Variants in FLT1 observed in about 807,000 individuals in gnomAD.
FLT1 encodes the protein fms related receptor tyrosine kinase 1.
A neutral mutation model predicts 156.3 loss-of-function variants in FLT1; 49 were observed. That is an observed-to-expected ratio of 0.31 (90% CI 0.25 to 0.40). The LOEUF is 0.40. Ranked by LOEUF, FLT1 falls within the 10% of genes least tolerant of loss-of-function variation. The pLI is 1.00. For missense variants in FLT1, 1,322 were observed against 1,637.2 expected (o/e 0.81, Z 3.32); for synonymous variants, 594 against 583.8 (o/e 1.02, Z -0.25).
chr13:28,489,744 G>A (rs1224045074), intron 1 of FLT1, among the ~76,000 whole-genome samples: 1 of 152,180 alleles, frequency 6.6e-6, no homozygotes, highest in Non-Finnish European at 1.5e-5. Context: ...CAGTGTGTGT[G>A]TGGAGAGAAG....
At chr13:28,464,371 C>T (rs1763820397) in intron 3 of FLT1, among the ~76,000 whole-genome samples, 1 of 152,168 alleles carries the variant, frequency 6.6e-6, no homozygotes. Context: ...AAATACATGA[C>T]CTAACGGCCA....
At chr13:28,330,162 A>C (rs1462121341) in intron 18 of FLT1, among the ~76,000 whole-genome samples, 1 of 152,260 alleles carries the variant, frequency 6.6e-6, no homozygotes, top group African/African-American at 2.4e-5. Context: ...GGGGCCTGCC[A>C]GGGCAGAATG....
chr13:28,387,067 G>T, intron 13 of FLT1: 1 of 1,035,646 alleles, frequency 9.7e-7, no homozygotes, highest in Non-Finnish European at 1.2e-6. Context: ...ATTGGAAAAC[G>T]GTGTTTAAAG....
intron 8 of FLT1, among the ~76,000 whole-genome samples, chr13:28,429,118 T>C (rs1877523137): frequency 6.6e-6 from 1 of 152,190 alleles, no homozygotes; most frequent in Non-Finnish European, 1.5e-5. Context: ...AAAAATTTAC[T>C]ACTAAACGTT....
intron 10 of FLT1, among the ~76,000 whole-genome samples, chr13:28,423,842 A>G (rs1262583162): frequency 6.6e-6 from 1 of 152,260 alleles, no homozygotes; most frequent in Non-Finnish European, 1.5e-5. Context: ...CTGTTGGCTG[A>G]GGATGAGAAA....
chr13:28,447,774 T>A (rs996199102), intron 3 of FLT1, among the ~76,000 whole-genome samples: 2 of 151,150 alleles, frequency 1.3e-5, no homozygotes, highest in Non-Finnish European at 2.9e-5. Flanking sequence ...AATCTACATA[T>A]ATAATATATA....
chr13:28,427,341 G>A, intron 9 of FLT1, 23 bp from the exon 10 acceptor site: 1 of 1,613,004 alleles, frequency 6.2e-7, no homozygotes, highest in Non-Finnish European at 8.5e-7. Context: ...TGAAGAACGG[G>A]ACAGAAGTCA....
At position 28,303,031 on chromosome 13, in the gene FLT1, A is replaced by C. The variant is rs1449080981; in HGVS notation, c.*136T>G. 9 of 749,416 alleles carry C rather than the reference A, an allele frequency of 1.2e-5. No homozygotes were observed. Among genetic ancestry groups the C allele is most frequent in the Non-Finnish European group, 1.5e-5 (7 of 468,274 alleles). 46.4% of individuals were successfully genotyped at this position (749,416 alleles called of 1,614,324 possible). A position where few individuals can be genotyped will look rare whatever the true frequency, so the allele number is the denominator to read the frequency against. On this transcript the variant is annotated 3_prime_UTR_variant, in exon 30 of 30. Transcript: ENST00000282397. Reference sequence around the variant, plus strand: ...AGTCAAAAAAAAAAAAGCACTATTAAAAAAATCACAAAAAGCAGCTGGCTC... The same window carrying C: ...AGTCAAAAAAAAAAAAGCACTATTACAAAAATCACAAAAAGCAGCTGGCTC...
At chr13:28,406,649 TTATTATTAA>T (rs71086851) in intron 10 of FLT1, among the ~76,000 whole-genome samples, 123,629 of 148,116 alleles carry the variant, frequency 0.83, 51,975 homozygotes, top group East Asian at 0.99. Context: ...ATTATTATTA[TTATTATTAA>T]TATTAGAGAC....
At chr13:28,432,200 G>A (rs1038586969) in intron 6 of FLT1, among the ~76,000 whole-genome samples, 3 of 152,070 alleles carry the variant, frequency 2.0e-5, no homozygotes, top group African/African-American at 7.2e-5. Flanking sequence ...GAGGGGAGGA[G>A]CATGGAAAAA....
chr13:28,342,946 TTC>T (rs61022115), intron 16 of FLT1, among the ~76,000 whole-genome samples: 80,896 of 142,858 alleles, frequency 0.57, 23,991 homozygotes, highest in East Asian at 0.8. Flanking sequence ...CTTTCTTTCT[TTC>T]TCTCTCTCTC....
chr13:28,461,479 C>A (rs984158541), intron 3 of FLT1, among the ~76,000 whole-genome samples: 1 of 152,082 alleles, frequency 6.6e-6, no homozygotes, highest in African/African-American at 2.4e-5. Context: ...GAAGAAATAC[C>A]AACTCCCTTT....
At chr13:28,397,978 G>C (rs1328504923) in intron 11 of FLT1, among the ~76,000 whole-genome samples, 1 of 152,024 alleles carries the variant, frequency 6.6e-6, no homozygotes, top group Non-Finnish European at 1.5e-5. Flanking sequence ...TCCAAATTCT[G>C]ATGTCTAAAA....
At chr13:28,337,525 G>T (rs1006487139) in intron 17 of FLT1, among the ~76,000 whole-genome samples, 7 of 152,180 alleles carry the variant, frequency 4.6e-5, no homozygotes, top group Admixed American at 4.6e-4. Context: ...GTACCTCGGG[G>T]CCTTGCAGCC....
chr13:28,476,761 C>T (rs1880572428), intron 1 of FLT1, among the ~76,000 whole-genome samples: 1 of 152,164 alleles, frequency 6.6e-6, no homozygotes. Flanking sequence ...CAAGAAATTA[C>T]CTAAATGTTT....
At chr13:28,358,523 G>T (rs558391072) in intron 14 of FLT1, among the ~76,000 whole-genome samples, 101 of 152,278 alleles carry the variant, frequency 6.6e-4, no homozygotes, top group African/African-American at 2.2e-3. Context: ...GGAGTCCCAA[G>T]AATTTTCAGA....
At chr13:28,361,077 G>A (rs1432124910) in intron 14 of FLT1, among the ~76,000 whole-genome samples, 5 of 152,000 alleles carry the variant, frequency 3.3e-5, no homozygotes, top group Admixed American at 1.3e-4. Flanking sequence ...CTAGGAATTC[G>A]AGACCAGCCT....
At chr13:28,416,311 G>T (rs572794786) in intron 10 of FLT1, among the ~76,000 whole-genome samples, 170 of 152,290 alleles carry the variant, frequency 1.1e-3, no homozygotes, top group Middle Eastern at 3.4e-3. Flanking sequence ...TCACCACACT[G>T]GTTTTCAGGA....
At chr13:28,490,814 C>T (rs1441075106) in intron 1 of FLT1, among the ~76,000 whole-genome samples, 2 of 152,184 alleles carry the variant, frequency 1.3e-5, no homozygotes, top group Non-Finnish European at 2.9e-5. Context: ...CCTGCAATGA[C>T]AAATGCACTG....
Sources: gnomAD v4.1 joint callset for allele counts (sites outside exome capture counted in the v4.1 genomes callset) on GRCh38, gnomAD v4.1.1 for gene constraint, MANE v1.5 for transcripts, NCBI Gene and HGNC (gene_info 2026-07-23, HGNC 2026-07-21) for gene names.